The following CAST variants were observed in gnomAD, a reference collection of about 807,000 sequenced individuals.
CAST encodes calpastatin, also known as MIR583 host.
Under a neutral mutation model 119.6 loss-of-function variants are expected in CAST, and 76 were observed. The observed-to-expected ratio is 0.64, with a 90% CI of 0.53 to 0.77. The LOEUF (loss-of-function observed/expected upper bound fraction) is 0.77, where lower values mean the gene tolerates loss of function less well. Among genes scored for constraint, CAST ranks in the 30% least tolerant of loss-of-function variants. The probability of loss-of-function intolerance (pLI) is 0.00; values close to 1 mark genes in which losing one functional copy is unlikely to be tolerated. For synonymous variants in CAST, 319 were observed against 331.6 expected (o/e 0.96, Z 0.41); for missense variants, 953 against 946.5 (o/e 1.01, Z -0.09).
At chr5:96,074,225 C>T in the CAST span, among the ~76,000 whole-genome samples, 1 of 152,258 alleles carries the variant, frequency 6.6e-6, no homozygotes, top group East Asian at 1.9e-4. Context: ...TTTAACAAGC[C>T]CATTTCTTTT....
chr5:96,497,357 A>G, the CAST span, among the ~76,000 whole-genome samples: 1 of 152,128 alleles, frequency 6.6e-6, no homozygotes, highest in East Asian at 1.9e-4. Flanking sequence ...ATGATTTATA[A>G]TCCTTTGGGT....
chr5:96,685,677 A>T (rs1321996969), intron 2 of CAST, among the ~76,000 whole-genome samples: 1 of 152,224 alleles, frequency 6.6e-6, no homozygotes, highest in Admixed American at 6.5e-5. Context: ...ATTTTTCAGG[A>T]TATGGCATGA....
At chr5:96,476,881 T>G in the CAST span, among the ~76,000 whole-genome samples, 1 of 150,208 alleles carries the variant, frequency 6.7e-6, no homozygotes, top group Non-Finnish European at 1.5e-5. Context: ...GGTTCTTGTC[T>G]TAGTACAGCA....
intron 2 of CAST, among the ~76,000 whole-genome samples, chr5:96,677,974 T>G (rs908836618): frequency 6.6e-6 from 1 of 152,190 alleles, no homozygotes; most frequent in Non-Finnish European, 1.5e-5. Context: ...TTCTTTATGT[T>G]ATGTGCAAAT....
In CAST at chr5:96,773,134, T is replaced by A. The variant is rs28118; in HGVS notation, c.*518T>A. On this transcript the variant is annotated 3_prime_UTR_variant, in exon 32 of 32. Coordinates refer to ENST00000675179, the MANE Select transcript of CAST (RefSeq NM_001750.7). ...TTTGATGTTGCTTTGGGATAATGTT[T>A]ATAAGTCAAACATAAGATATTGTAC... The A allele has an allele frequency of 6.5e-6, 1 of 153,894 alleles. No homozygotes were observed. The highest frequency in any genetic ancestry group is 1.9e-4 in the East Asian group (1 of 5,346). 9.5% of individuals were successfully genotyped at this position (153,894 alleles called of 1,614,324 possible). A position where few individuals can be genotyped will look rare whatever the true frequency, so the allele number is the denominator to read the frequency against.
intron 1 of CAST, among the ~76,000 whole-genome samples, chr5:96,619,641 T>G (rs1043546431): frequency 5.3e-5 from 8 of 152,214 alleles, no homozygotes; most frequent in African/African-American, 1.9e-4. Flanking sequence ...GTCTACAGCT[T>G]CACTCCTGAA....
At chr5:96,290,835 G>A in the CAST span, among the ~76,000 whole-genome samples, 1 of 152,178 alleles carries the variant, frequency 6.6e-6, no homozygotes. Flanking sequence ...ACCTCCTGGT[G>A]TTCTTGGTCT....
chr5:96,749,674 G>A (rs915963774), intron 19 of CAST, among the ~76,000 whole-genome samples: 10 of 152,146 alleles, frequency 6.6e-5, no homozygotes, highest in African/African-American at 2.4e-4. Context: ...AGCCTCCTGA[G>A]TAGCTGAGAC....
At chr5:96,426,015 A>C in the CAST span, 1 of 775,986 alleles carries the variant, frequency 1.3e-6, no homozygotes, top group Non-Finnish European at 2.2e-6. Context: ...TACCCTTCCC[A>C]TCAGAGTTCA....
At chr5:96,314,688 A>T in the CAST span, among the ~76,000 whole-genome samples, 1 of 152,162 alleles carries the variant, frequency 6.6e-6, no homozygotes, top group South Asian at 2.1e-4. Flanking sequence ...CAAATTCCCT[A>T]AGCCTTTTAA....
At chr5:96,624,100 T>C (rs1747670526) in intron 1 of CAST, among the ~76,000 whole-genome samples, 1 of 152,228 alleles carries the variant, frequency 6.6e-6, no homozygotes, top group East Asian at 1.9e-4. Context: ...TAACTGGACC[T>C]ATCTTTTATC....
the CAST span, among the ~76,000 whole-genome samples, chr5:96,483,401 A>G: frequency 6.6e-6 from 1 of 152,184 alleles, no homozygotes; most frequent in Non-Finnish European, 1.5e-5. Context: ...TGCACTTTGT[A>G]CCTAGTAAGT....
At chr5:96,048,576 G>A in the CAST span, among the ~76,000 whole-genome samples, 9 of 152,064 alleles carry the variant, frequency 5.9e-5, no homozygotes, top group Non-Finnish European at 1.0e-4. Flanking sequence ...AGGGGCTGTG[G>A]GTAGGAATTA....
the CAST span, among the ~76,000 whole-genome samples, chr5:96,242,759 G>C: frequency 6.6e-6 from 1 of 152,158 alleles, no homozygotes; most frequent in Non-Finnish European, 1.5e-5. Context: ...GAGGTGTTAG[G>C]CATCTGTGCT....
At chr5:96,100,640 C>G in the CAST span, among the ~76,000 whole-genome samples, 1 of 152,152 alleles carries the variant, frequency 6.6e-6, no homozygotes, top group South Asian at 2.1e-4. Context: ...ATAATTTCTT[C>G]ATCTTATCTT....
At chr5:96,450,983 C>T in the CAST span, among the ~76,000 whole-genome samples, 2 of 152,142 alleles carry the variant, frequency 1.3e-5, no homozygotes, top group Admixed American at 1.3e-4. Flanking sequence ...AAAATTCCCT[C>T]CTCCTGGGAT....
chr5:96,562,330 GAAT>G (rs747981178), intron 1 of CAST, among the ~76,000 whole-genome samples: 4 of 151,924 alleles, frequency 2.6e-5, no homozygotes, highest in Non-Finnish European at 4.4e-5. Context: ...AAAATCACAT[GAAT>G]AATATTTCAT....
chr5:96,640,351 T>C (rs1244826205), intron 1 of CAST, among the ~76,000 whole-genome samples: 1 of 152,108 alleles, frequency 6.6e-6, no homozygotes, highest in African/African-American at 2.4e-5. Flanking sequence ...AGAGAATAAA[T>C]AGCATATGCA....
chr5:96,109,653 AG>A, the CAST span, among the ~76,000 whole-genome samples: 1 of 152,320 alleles, frequency 6.6e-6, no homozygotes, highest in South Asian at 2.1e-4. Context: ...AGAGGTGGGA[AG>A]GAAGTGTTCT....
Sources: gnomAD v4.1 joint callset for allele counts (sites outside exome capture counted in the v4.1 genomes callset) on GRCh38, gnomAD v4.1.1 for gene constraint, MANE v1.5 for transcripts, NCBI Gene and HGNC (gene_info 2026-07-23, HGNC 2026-07-21) for gene names.